The following TMEM52B variants were observed in gnomAD, a reference collection of about 807,000 sequenced individuals.
TMEM52B encodes the protein transmembrane protein 52B, also known as chromosome 12 open reading frame 59.
A neutral mutation model predicts 16.1 loss-of-function variants in TMEM52B; 11 were observed. The ratio of observed to expected loss-of-function variants is 0.68; its 90% CI spans 0.43 to 1.13. TMEM52B has a LOEUF of 1.13. TMEM52B is among the 50% of genes most tolerant of loss of function. The pLI is 0.00. For synonymous variants in TMEM52B, 101 were observed against 93.8 expected, an observed-to-expected ratio of 1.08 and a Z score of -0.45; for missense variants, 243 against 230.4, an observed-to-expected ratio of 1.05 and a Z score of -0.35.
chr12:10,184,435 A>T (rs1322434069), intron 2 of TMEM52B, among the ~76,000 whole-genome samples: 1 of 152,104 alleles, frequency 6.6e-6, no homozygotes, highest in South Asian at 2.1e-4. Context: ...AATTCTGGGG[A>T]GCCGTCTAGG....
chr12:10,188,604 TGC>T, intron 4 of TMEM52B, among the ~76,000 whole-genome samples: 1 of 151,496 alleles, frequency 6.6e-6, no homozygotes. Flanking sequence ...TGGTGGCTCA[TGC>T]TTGTAATCCC....
rs1948799057 is a variant in TMEM52B, at chr12:10,179,610, C to G, written c.36C>G (p.Ala12=). Residue 12 remains alanine, a synonymous_variant, in exon 1 of 5, where the codon GCC becomes GCG. Transcript: ENST00000543484. ...GAGTTCATGTCGTGGCGGCCTCAGC[C>G]CTGCTGTATTTCATCCTGGTGAGTT... ...GVRVHVVAAS[A]LLYFILLSGT... is the part of the protein sequence containing the mutation. The G allele has an allele frequency of 4.3e-6, 7 of 1,614,022 alleles. No homozygotes were observed. The highest frequency in any genetic ancestry group is 5.9e-6 in the Non-Finnish European group (7 of 1,180,030).
At chr12:10,174,327 T>C (rs529054107), upstream of TMEM52B, among the ~76,000 whole-genome samples, 1 of 152,312 alleles carries the variant, frequency 6.6e-6, no homozygotes, top group Admixed American at 6.5e-5. Context: ...CCTCCCACAG[T>C]GCTGGGATTA....
At chr12:10,173,005 T>C (rs1948736227) in intron 1 of TMEM52B, among the ~76,000 whole-genome samples, 1 of 152,190 alleles carries the variant, frequency 6.6e-6, no homozygotes, top group African/African-American at 2.4e-5. Context: ...TGACAAGCTT[T>C]GTACTTGGAG....
At position 10,190,621 on chromosome 12, in the gene TMEM52B, T is replaced by G. The variant is rs1175439375; in HGVS notation, c.*481T>G. ...ATTTTACACCGAATGACAATGATCA[T>G]CTTAGACAGCACAACATACCCACTC... On this transcript the variant is annotated 3_prime_UTR_variant, in exon 5 of 5. Transcript: ENST00000543484. 5.6e-6 allele frequency: 1 copy of G among 179,402 alleles called. No homozygotes were observed. Among genetic ancestry groups the G allele is most frequent in the Non-Finnish European group, 1.2e-5 (1 of 82,270 alleles). 11.1% of individuals were successfully genotyped at this position (179,402 alleles called of 1,614,324 possible).
chr12:10,186,522 C>T lies in TMEM52B; in HGVS notation c.240C>T (p.Gly80=). The change falls in exon 4 of 5, where the codon GGC becomes GGT. Residue 80 remains glycine (G), a synonymous_variant. Coordinates refer to ENST00000543484, the MANE Select transcript of TMEM52B (RefSeq NM_001384896.1). The stretch of plus-strand genomic sequence containing the variant: ...GCCAGCAAAATGGGGAAGATGGGGG[C>T]CCACCACCCTGTGAAGTGACCGTCA... ...LSRQQNGEDG[G]PPPCEVTVIA... The T allele has an allele frequency of 6.2e-7, 1 of 1,609,982 alleles. No homozygotes were observed. Among genetic ancestry groups the T allele is most frequent in the African/African-American group, 1.3e-5 (1 of 75,014 alleles).
At chr12:10,188,525 G>GAAGA (rs1342451267) in intron 4 of TMEM52B, among the ~76,000 whole-genome samples, 3 of 94,588 alleles carry the variant, frequency 3.2e-5, no homozygotes, top group Admixed American at 1.2e-4. Flanking sequence ...AGGAAGGAAG[G>GAAGA]AAGGAAGGAA....
chr12:10,186,566 G>T lies in TMEM52B; in HGVS notation c.284G>T (p.Ser95Ile). The T allele has an allele frequency of 6.2e-7, 1 of 1,602,232 alleles. No individual in the cohort carries two copies. Among genetic ancestry groups the T allele is most frequent in the Non-Finnish European group, 8.5e-7 (1 of 1,171,368 alleles). ...ACCGTCATTGCTTTCGATCACGACA[G>T]CACTCTCCAGAGCACTATCACATGT... ...EVTVIAFDHD[S>I]TLQSTITSLQ... Residue 95 changes from serine to isoleucine, a missense_variant, in exon 4 of 5, where the codon AGC becomes ATC. Coordinates refer to ENST00000543484, the MANE Select transcript of TMEM52B (RefSeq NM_001384896.1).
chr12:10,172,087 C>G (rs373714577), intron 1 of TMEM52B: 1 of 1,609,888 alleles, frequency 6.2e-7, no homozygotes, highest in South Asian at 1.1e-5. Flanking sequence ...TTTCCAAATT[C>G]AAGCTAAGAA....
intron 4 of TMEM52B, among the ~76,000 whole-genome samples, chr12:10,188,505 G>A (rs71445299): frequency 0.56 from 76,908 of 136,682 alleles, 21,304 homozygotes; most frequent in East Asian, 0.89. Context: ...AGGAAGGAAG[G>A]AAGGAAGGAA....
At chr12:10,183,060 T>G in intron 2 of TMEM52B, among the ~76,000 whole-genome samples, 1 of 152,220 alleles carries the variant, frequency 6.6e-6, no homozygotes, top group East Asian at 1.9e-4. Context: ...GATGTAGTTA[T>G]CAACTAATCC....
At position 10,179,407 on chromosome 12, in the gene TMEM52B, G is replaced by GC. The variant is rs376852564; in HGVS notation, c.-167dup. 1,054 of 679,978 alleles carry GC rather than the reference G, an allele frequency of 1.6e-3. 14 individuals are homozygous for GC. In the African/African-American group the frequency reaches 0.017, roughly 11 times the overall value. 42.1% of individuals were successfully genotyped at this position (679,978 alleles called of 1,614,324 possible). A position where few individuals can be genotyped will look rare whatever the true frequency, so the allele number is the denominator to read the frequency against. ...AAAGCCATAGAAAATAACAGCCAGAGCGAGTAGGAGGAGACAGAGAGAACG... is the reference window on the plus strand; with the variant it reads ...AAAGCCATAGAAAATAACAGCCAGAGCCGAGTAGGAGGAGACAGAGAGAACG... On this transcript the variant is annotated 5_prime_UTR_variant, in exon 1 of 5. Transcript: ENST00000543484.
chr12:10,179,649 G>A, intron 1 of TMEM52B, 21 bp downstream of exon 1: 2 of 1,613,984 alleles, frequency 1.2e-6, no homozygotes. Context: ...TGGTGAAAAG[G>A]CAGAAAGAGT....
rs1260970071 is a variant in TMEM52B at position 10,179,507 on chromosome 12, G to T, written c.-68G>T. Reference sequence around the variant, plus strand: ...ATTCTAGGTCAAGAAGTAAAATATGGCACAGAGCATTGAAAGGAGGCAACG... The same window carrying T: ...ATTCTAGGTCAAGAAGTAAAATATGTCACAGAGCATTGAAAGGAGGCAACG... On this transcript the variant is annotated 5_prime_UTR_variant, in exon 1 of 5. Transcript: ENST00000543484. 6.5e-7 allele frequency: 1 copy of T among 1,528,668 alleles called. No individual in the cohort carries two copies. The allele number at this position is 1,528,668 out of a possible 1,614,324, so 94.7% of individuals were successfully genotyped here.
chr12:10,185,390 C>G, intron 3 of TMEM52B, 22 bp downstream of exon 3: 1 of 1,576,446 alleles, frequency 6.3e-7, no homozygotes. Flanking sequence ...TTATAATACC[C>G]AGAAAGACAC....
chr12:10,188,814 C>G (rs1382440800), intron 4 of TMEM52B, among the ~76,000 whole-genome samples: 8 of 151,446 alleles, frequency 5.3e-5, no homozygotes, highest in African/African-American at 1.9e-4. Context: ...GTCAGGAGAT[C>G]GAGACCATCC....
At chr12:10,177,727 A>G (rs1011438364), upstream of TMEM52B, among the ~76,000 whole-genome samples, 7 of 149,206 alleles carry the variant, frequency 4.7e-5, no homozygotes, top group Non-Finnish European at 8.9e-5. Context: ...CCGAGATTGC[A>G]CCACTGCCCT....
chr12:10,182,020 C>CAAAAAAAAA, intron 1 of TMEM52B: 2 of 665,404 alleles, frequency 3.0e-6, no homozygotes, highest in Non-Finnish European at 3.4e-6. Flanking sequence ...GAGCAAGACT[C>CAAAAAAAAA]AAAAAAAAAA....
chr12:10,182,738 A>G, intron 2 of TMEM52B, 145 bp downstream of exon 2: 2 of 911,872 alleles, frequency 2.2e-6, no homozygotes, highest in Non-Finnish European at 3.1e-6. Context: ...GACTTATCAC[A>G]AAATAAAGAC....
Sources: allele counts gnomAD v4.1 joint callset (sites outside exome capture counted in the v4.1 genomes callset), GRCh38; gene constraint gnomAD v4.1.1; transcripts MANE v1.5; gene names NCBI Gene and HGNC (gene_info 2026-07-23, HGNC 2026-07-21).